LIPJ: variants seen among roughly 807,000 people sequenced by gnomAD.
LIPJ encodes lipase family member J.
Under a neutral mutation model 39.8 loss-of-function variants are expected in LIPJ, and 33 were observed. The observed-to-expected ratio is 0.83, with a 90% confidence interval of 0.63 to 1.11. The LOEUF (loss-of-function observed/expected upper bound fraction) is 1.11. Among genes scored for constraint, LIPJ ranks in the 50% least tolerant of loss-of-function variants. LIPJ has a pLI of 0.00. For missense variants in LIPJ, 422 were observed against 427.9 expected, an observed-to-expected ratio of 0.99 and a Z score of 0.12; for synonymous variants, 128 against 139.2, an observed-to-expected ratio of 0.92 and a Z score of 0.57.
rs1425429254 is a variant in LIPJ, at chr10:88,600,397, AAATCC to A, written c.724-2177_724-2173del. ...CTCTTGCTGTGTATAGTCTGCTTTT[AAATCC>A]ATCTAATAAATTTTAAAGTTTATAC... On this transcript the variant is annotated intron_variant, in intron 8 of 10. Transcript: ENST00000371939. Among the ~76,000 whole-genome samples the A allele has an allele frequency of 6.7e-3, 1,022 of 152,284 alleles. 27 individuals are homozygous for A. The South Asian group carries it at 0.083, about 12-fold the overall frequency.
exon 9 of LIPJ, chr10:88,602,585 G>A (rs759391854): frequency 1.8e-5 from 28 of 1,534,210 alleles, no homozygotes; most frequent in African/African-American, 4.3e-5. Context: ...GAGTCGTTTG[G>A]ATGTGTATTT....
chr10:88,599,957 G>A (rs1400196226), intron 8 of LIPJ, among the ~76,000 whole-genome samples: 2 of 151,346 alleles, frequency 1.3e-5, no homozygotes, highest in African/African-American at 2.4e-5. Context: ...GTCCTATCTG[G>A]TATTCTTTTT....
the LIPJ span, among the ~76,000 whole-genome samples, chr10:88,620,842 C>T: frequency 6.6e-6 from 1 of 152,148 alleles, no homozygotes; most frequent in Non-Finnish European, 1.5e-5. Context: ...ATTTATTTCT[C>T]ACAGTTCTAG....
the LIPJ span, among the ~76,000 whole-genome samples, chr10:88,613,425 A>T: frequency 2.2e-3 from 328 of 152,018 alleles, 1 homozygote; most frequent in African/African-American, 7.4e-3. Context: ...TATATGAGAG[A>T]TGGGGAGGCG....
the LIPJ span, among the ~76,000 whole-genome samples, chr10:88,613,816 GTA>G: frequency 0.011 from 734 of 69,580 alleles, 10 homozygotes; most frequent in African/African-American, 0.017. Flanking sequence ...GTGTGTGTGT[GTA>G]TATATATATA....
At chr10:88,594,632 A>T (rs1350596387) in intron 5 of LIPJ, 35 bp from the exon 6 acceptor site, 2 of 1,054,930 alleles carry the variant, frequency 1.9e-6, no homozygotes, top group Non-Finnish European at 2.8e-6. Flanking sequence ...ACATTAGTAG[A>T]AAGTGCTATT....
chr10:88,596,226 A>G, intron 6 of LIPJ, 54 bp from the exon 7 acceptor site: 1 of 1,134,214 alleles, frequency 8.8e-7, no homozygotes, highest in Non-Finnish European at 1.2e-6. Flanking sequence ...CATCTCTTAC[A>G]TGCTAGTAAT....
At chr10:88,620,592 A>C in the LIPJ span, among the ~76,000 whole-genome samples, 1 of 152,204 alleles carries the variant, frequency 6.6e-6, no homozygotes, top group Non-Finnish European at 1.5e-5. Flanking sequence ...GGACCTCACC[A>C]GTACTACCAC....
At chr10:88,606,322 A>G (rs369993656) in intron 10 of LIPJ, among the ~76,000 whole-genome samples, 2 of 152,324 alleles carry the variant, frequency 1.3e-5, no homozygotes, top group Admixed American at 6.5e-5. Flanking sequence ...TGGACTGCCA[A>G]TACTTATAAT....
chr10:88,612,341 A>G, the LIPJ span, among the ~76,000 whole-genome samples: 1 of 152,162 alleles, frequency 6.6e-6, no homozygotes, highest in African/African-American at 2.4e-5. Flanking sequence ...GGACCTGTAT[A>G]ATAATAACAC....
At chr10:88,583,372 G>A (rs569614377), upstream of LIPJ, 10 of 1,394,324 alleles carry the variant, frequency 7.2e-6, no homozygotes, top group South Asian at 1.6e-4. Context: ...CCGGAGCTGA[G>A]AGGCCCCTCC....
chr10:88,585,146 T>C (rs1296871287), upstream of LIPJ, among the ~76,000 whole-genome samples: 1 of 152,206 alleles, frequency 6.6e-6, no homozygotes, highest in Non-Finnish European at 1.5e-5. Context: ...ATTTCAACTG[T>C]CCTCTGCCAC....
the LIPJ span, among the ~76,000 whole-genome samples, chr10:88,620,780 C>T: frequency 3.9e-5 from 6 of 152,138 alleles, no homozygotes; most frequent in South Asian, 4.1e-4. Flanking sequence ...ATATCTTAGT[C>T]GGCTCAGGCT....
At chr10:88,619,722 C>T in the LIPJ span, among the ~76,000 whole-genome samples, 1 of 151,744 alleles carries the variant, frequency 6.6e-6, no homozygotes, top group African/African-American at 2.4e-5. Flanking sequence ...TAAACTTTGA[C>T]ACATACATCA....
At chr10:88,619,309 T>C in the LIPJ span, among the ~76,000 whole-genome samples, 4 of 152,058 alleles carry the variant, frequency 2.6e-5, no homozygotes, top group Non-Finnish European at 4.4e-5. Flanking sequence ...TTTTCTATAA[T>C]ATGAGTACAT....
chr10:88,621,687 T>TA, the LIPJ span, among the ~76,000 whole-genome samples: 23 of 151,114 alleles, frequency 1.5e-4, 1 homozygote, highest in Admixed American at 7.3e-4. Context: ...AAGCCTGACC[T>TA]AAAAAAAAAG....
chr10:88,616,322 G>A, the LIPJ span, among the ~76,000 whole-genome samples: 2 of 152,210 alleles, frequency 1.3e-5, no homozygotes, highest in Admixed American at 6.5e-5. Context: ...TATCTCAGCA[G>A]TTAGAACAAG....
At chr10:88,583,797 A>C, upstream of LIPJ, 2 of 789,414 alleles carry the variant, frequency 2.5e-6, no homozygotes, top group Non-Finnish European at 3.1e-6. Flanking sequence ...GGAAACAATA[A>C]CGTATACCTT....
chr10:88,619,882 T>C, the LIPJ span, among the ~76,000 whole-genome samples: 1 of 151,766 alleles, frequency 6.6e-6, no homozygotes, highest in East Asian at 1.9e-4. Context: ...GCACGATCTA[T>C]GAAAGAAAAG....
Sources: gnomAD v4.1 joint callset for allele counts (sites outside exome capture counted in the v4.1 genomes callset) on GRCh38, gnomAD v4.1.1 for gene constraint, MANE v1.5 for transcripts, NCBI Gene and HGNC (gene_info 2026-07-23, HGNC 2026-07-21) for gene names.